M1AP: variants seen among roughly 807,000 people sequenced by gnomAD.
M1AP encodes meiosis 1 associated protein.
In M1AP, 39 loss-of-function variants were observed where a neutral mutation model predicts 51.2. The observed-to-expected ratio is 0.76, with a 90% CI of 0.59 to 1.00. The LOEUF (loss-of-function observed/expected upper bound fraction) is 1.00. Ranked by LOEUF, M1AP falls within the 50% of genes least tolerant of loss-of-function variation. The pLI is 0.00. For synonymous variants in M1AP, 251 were observed against 249.2 expected (o/e 1.01, Z -0.07); for missense variants, 545 against 641.2 (o/e 0.85, Z 1.62).
intron 4 of M1AP, among the ~76,000 whole-genome samples, chr2:74,597,087 G>C (rs548037491): frequency 6.6e-6 from 1 of 152,160 alleles, no homozygotes; most frequent in Non-Finnish European, 1.5e-5. Flanking sequence ...ACTTCGAATG[G>C]ATGCAACTTA....
In M1AP at chr2:74,562,434, G is replaced by A. The variant is rs375676422; in HGVS notation, c.1075-11C>T. 6.2e-7 allele frequency: 1 copy of A among 1,614,022 alleles called. No individual in the cohort carries two copies. The highest frequency in any genetic ancestry group is 8.5e-7 in the Non-Finnish European group (1 of 1,179,912). Reference sequence around the variant, plus strand: ...CAGCCATTCCCTTTTCTGAAACAAGGACATACAGAAATACTGGTTCATCTT... The same window carrying A: ...CAGCCATTCCCTTTTCTGAAACAAGAACATACAGAAATACTGGTTCATCTT... On this transcript the variant is annotated splice_polypyrimidine_tract_variant and intron_variant, in intron 7 of 10. Coordinates refer to ENST00000421985, the MANE Select transcript of M1AP (RefSeq NM_001321739.2).
intron 3 of M1AP, among the ~76,000 whole-genome samples, chr2:74,608,207 A>G (rs1167167882): frequency 2.0e-5 from 3 of 152,176 alleles, no homozygotes; most frequent in African/African-American, 4.8e-5. Flanking sequence ...GAGCCTTTTC[A>G]CCACCCTAAG....
intron 4 of M1AP, among the ~76,000 whole-genome samples, chr2:74,596,619 A>C (rs985273745): frequency 4.7e-5 from 7 of 150,158 alleles, no homozygotes; most frequent in African/African-American, 1.7e-4. Flanking sequence ...ACAACAACAA[A>C]CAGTAAGACC....
intron 4 of M1AP, among the ~76,000 whole-genome samples, chr2:74,582,073 G>A (rs1679440217): frequency 6.6e-6 from 1 of 152,146 alleles, no homozygotes; most frequent in African/African-American, 2.4e-5. Flanking sequence ...GGGACTACAA[G>A]CACTCACCAC....
rs1553420976 is a variant in M1AP at position 74,640,290 on chromosome 2, A to G, written c.-15T>C. ...CCAGGATGCATGGCAGCAAAACCAG[A>G]GGGGGAACTGTAGCCACCAGCTGGA... On this transcript the variant is annotated 5_prime_UTR_variant, in exon 2 of 11. Coordinates refer to ENST00000421985, the MANE Select transcript of M1AP (RefSeq NM_001321739.2). The G allele has an allele frequency of 6.2e-7, 1 of 1,613,706 alleles. No homozygotes were observed. The highest frequency in any genetic ancestry group is 8.5e-7 in the Non-Finnish European group (1 of 1,179,808).
intron 8 of M1AP, among the ~76,000 whole-genome samples, chr2:74,560,950 C>T (rs2104496233): frequency 6.6e-6 from 1 of 152,196 alleles, no homozygotes; most frequent in Non-Finnish European, 1.5e-5. Context: ...GTTCTCCCTA[C>T]CCAGAGCCAG....
Position 74,572,973 on chromosome 2 carries a change from A to G in M1AP, c.1074+2465T>C, listed in dbSNP as rs1003798297. Among the ~76,000 whole-genome samples, 3 of 152,320 alleles carry G rather than the reference A, an allele frequency of 2.0e-5. No individual in the cohort carries two copies. In the East Asian group the frequency reaches 5.8e-4, roughly 29 times the overall value. ...GATAAATACAGATCCTCAAACCCTGAGTTTAGTGGCAGGGAGACTCTAATC... is the reference window on the plus strand; with the variant it reads ...GATAAATACAGATCCTCAAACCCTGGGTTTAGTGGCAGGGAGACTCTAATC... On this transcript the variant is annotated intron_variant, in intron 7 of 10. Transcript: ENST00000421985.
At chr2:74,632,547 T>C (rs1172787924) in intron 2 of M1AP, among the ~76,000 whole-genome samples, 2 of 152,124 alleles carry the variant, frequency 1.3e-5, no homozygotes, top group African/African-American at 4.8e-5. Flanking sequence ...CCAGGGTGCA[T>C]AAAATTGCTA....
intron 7 of M1AP, among the ~76,000 whole-genome samples, chr2:74,569,909 C>CGTGTGTGT (rs145070644): frequency 2.7e-4 from 38 of 143,258 alleles, no homozygotes; most frequent in African/African-American, 8.9e-4. Context: ...TGTGTGCATG[C>CGTGTGTGT]GTGTGTGTGT....
At chr2:74,633,047 C>A (rs929669057) in intron 2 of M1AP, among the ~76,000 whole-genome samples, 2 of 152,048 alleles carry the variant, frequency 1.3e-5, no homozygotes, top group African/African-American at 4.8e-5. Flanking sequence ...ATTTTGTGCC[C>A]TAGGAAGGTG....
At chr2:74,605,776 C>G (rs576803620) in intron 4 of M1AP, among the ~76,000 whole-genome samples, 27 of 152,034 alleles carry the variant, frequency 1.8e-4, no homozygotes, top group African/African-American at 6.5e-4. Context: ...TGGCGGGTGC[C>G]TGTAATCCCA....
At position 74,633,305 on chromosome 2, in the gene M1AP, C is replaced by T. The variant is rs1375925973; in HGVS notation, c.240+6731G>A. 3.3e-5 allele frequency among the ~76,000 whole-genome samples: 5 copies of T among 152,158 alleles called. 2 individuals carry two copies. In the South Asian group the frequency reaches 1.0e-3, roughly 31 times the overall value. ...TTTTCTTAGGCCCATCTGTGCACTTCCTTGTAAAATTTCATTTTAGCAAAG... is the reference window on the plus strand; with the variant it reads ...TTTTCTTAGGCCCATCTGTGCACTTTCTTGTAAAATTTCATTTTAGCAAAG... On this transcript the variant is annotated intron_variant, in intron 2 of 10. Transcript: ENST00000421985.
intron 7 of M1AP, among the ~76,000 whole-genome samples, chr2:74,570,319 T>C (rs1678658352): frequency 6.6e-6 from 1 of 152,120 alleles, no homozygotes; most frequent in South Asian, 2.1e-4. Context: ...AAAACTGCCT[T>C]GCCTTGACTC....
At chr2:74,594,584 A>T (rs1193377328) in intron 4 of M1AP, among the ~76,000 whole-genome samples, 1 of 152,154 alleles carries the variant, frequency 6.6e-6, no homozygotes, top group Non-Finnish European at 1.5e-5. Flanking sequence ...TTAAGATGTA[A>T]ATTTACAGGC....
At chr2:74,581,009 A>C (rs566939720) in intron 5 of M1AP, among the ~76,000 whole-genome samples, 2 of 152,230 alleles carry the variant, frequency 1.3e-5, no homozygotes, top group South Asian at 4.1e-4. Flanking sequence ...GAGATGGGAG[A>C]ATGGAAATGG....
intron 4 of M1AP, among the ~76,000 whole-genome samples, chr2:74,599,876 G>C (rs1296137194): frequency 6.6e-6 from 1 of 151,346 alleles, no homozygotes; most frequent in Non-Finnish European, 1.5e-5. Context: ...TCTCACCCAG[G>C]CTGGAGTGCA....
At chr2:74,644,619 G>A (rs1266728741) in intron 1 of M1AP, among the ~76,000 whole-genome samples, 2 of 151,220 alleles carry the variant, frequency 1.3e-5, no homozygotes, top group African/African-American at 4.9e-5. Context: ...TTCCCTTTTT[G>A]GATAGTGGAA....
intron 3 of M1AP, among the ~76,000 whole-genome samples, chr2:74,609,753 C>T (rs1400594949): frequency 1.3e-5 from 2 of 152,168 alleles, no homozygotes; most frequent in African/African-American, 2.4e-5. Flanking sequence ...AGTAGCCATT[C>T]TAACTGGGGT....
chr2:74,596,245 A>G (rs192784136), intron 4 of M1AP, among the ~76,000 whole-genome samples: 15 of 152,342 alleles, frequency 9.8e-5, no homozygotes, highest in African/African-American at 3.1e-4. Flanking sequence ...GTATAAAGAC[A>G]TAAATGAGTT....
Sources: gnomAD v4.1 joint callset for allele counts (sites outside exome capture counted in the v4.1 genomes callset) on GRCh38, gnomAD v4.1.1 for gene constraint, MANE v1.5 for transcripts, NCBI Gene and HGNC (gene_info 2026-07-23, HGNC 2026-07-21) for gene names.